LSG1: variants seen among roughly 807,000 people sequenced by gnomAD.
The protein encoded by LSG1 is large 60S subunit nuclear export GTPase 1, also known as large subunit GTPase 1 homolog.
Under a neutral mutation model 82.6 loss-of-function variants are expected in LSG1, and 55 were observed. The observed-to-expected ratio is 0.67, with a 90% CI of 0.54 to 0.83. The LOEUF (loss-of-function observed/expected upper bound fraction) is 0.83, where lower values mean the gene tolerates loss of function less well. LSG1 is among the 40% of genes least tolerant of loss of function. LSG1 has a pLI of 0.00. For synonymous variants in LSG1, 272 were observed against 282.5 expected (o/e 0.96, Z 0.37); for missense variants, 809 against 807.9 (o/e 1.00, Z -0.02).
At chr3:194,644,807 G>C (rs892988905) in intron 12 of LSG1, 61 bp from the exon 13 acceptor site, 12 of 1,399,792 alleles carry the variant, frequency 8.6e-6, no homozygotes, top group Non-Finnish European at 1.2e-5. Context: ...CCTCAGAGGA[G>C]ACAGCTCCAC....
At chr3:194,645,589 C>CACACACAG (rs1560219897) in intron 12 of LSG1, among the ~76,000 whole-genome samples, 1 of 93,254 alleles carries the variant, frequency 1.1e-5, no homozygotes, top group African/African-American at 4.9e-5. Flanking sequence ...CACACACACA[C>CACACACAG]ACACACACAC....
Position 194,652,878 on chromosome 3 carries a change from CA to C in LSG1, c.1023del (p.Ala342GlnfsTer41). The C allele has an allele frequency of 6.2e-7, 1 of 1,614,158 alleles. No homozygotes were observed. Among genetic ancestry groups the C allele is most frequent in the Non-Finnish European group, 8.5e-7 (1 of 1,180,048 alleles). On this transcript the variant is annotated frameshift_variant, in exon 8 of 14. Coordinates refer to ENST00000265245, the MANE Select transcript of LSG1 (RefSeq NM_018385.3). LOFTEE classifies it high-confidence loss of function. ...DCSQDWKESS[T>X]ADSEARSRKT... ...TTCCTGCTCCGAGCCTCAGAATCTG[CA>C]GTAGAGCTTTCCTTCCAGTCCTGGC...
At chr3:194,668,018 A>G (rs1169140662) in intron 2 of LSG1, among the ~76,000 whole-genome samples, 2 of 149,368 alleles carry the variant, frequency 1.3e-5, no homozygotes, top group Non-Finnish European at 3.0e-5. Context: ...CCACTAAAGC[A>G]TACAATTCAA....
At chr3:194,651,601 T>A (rs1396098219) in intron 8 of LSG1, 1 of 164,050 alleles carries the variant, frequency 6.1e-6, no homozygotes, top group Non-Finnish European at 1.3e-5. Context: ...AACACACAAT[T>A]ATTTTTAATT....
At position 194,665,418 on chromosome 3, in the gene LSG1, T is replaced by C. The variant is rs192097042; in HGVS notation, c.521+139A>G. 2,711 of 546,920 alleles carry C rather than the reference T, an allele frequency of 5.0e-3. 11 individuals are homozygous for C. Among genetic ancestry groups the C allele is most frequent in the Admixed American group, 8.1e-3 (227 of 28,080 alleles). The allele number at this position is 546,920 out of a possible 1,614,324, so 33.9% of individuals were successfully genotyped here. A position where few individuals can be genotyped will look rare whatever the true frequency, so the allele number is the denominator to read the frequency against. The stretch of plus-strand genomic sequence containing the variant: ...CTATACAAAATATACGGTAGTATCA[T>C]GCTGTGTTTTTATAATTCTCAGTAA... On this transcript the variant is annotated intron_variant, in intron 5 of 13. Transcript: ENST00000265245.
At chr3:194,658,197 G>C (rs540160073) in intron 7 of LSG1, among the ~76,000 whole-genome samples, 11 of 152,260 alleles carry the variant, frequency 7.2e-5, no homozygotes, top group African/African-American at 2.6e-4. Context: ...GCCCAGGCTG[G>C]AGTGCACTGG....
intron 11 of LSG1, among the ~76,000 whole-genome samples, chr3:194,647,526 A>T (rs1176426734): frequency 1.3e-5 from 2 of 152,236 alleles, no homozygotes; most frequent in African/African-American, 4.8e-5. Context: ...TTTCTTCTAT[A>T]TGGACTTGCA....
chr3:194,653,774 G>A lies in LSG1; in HGVS notation c.760-632C>T, dbSNP rs538444222. On this transcript the variant is annotated intron_variant, in intron 7 of 13. Transcript: ENST00000265245. ...CTCTAGGCCGGGTGCTACGGCTCAC[G>A]CCTGTAATCCCAGCGCTTGGGTGGC... Among the ~76,000 whole-genome samples, 260 of 152,202 alleles carry A rather than the reference G, an allele frequency of 1.7e-3. 1 individual carries two copies. The highest frequency in any genetic ancestry group is 3.3e-3 in the Non-Finnish European group (225 of 68,014).
At chr3:194,657,353 G>A (rs1718813274) in intron 7 of LSG1, among the ~76,000 whole-genome samples, 1 of 151,686 alleles carries the variant, frequency 6.6e-6, no homozygotes, top group Non-Finnish European at 1.5e-5. Context: ...CTCTACCTTG[G>A]TACTAAACCA....
chr3:194,659,011 C>T lies in LSG1; in HGVS notation c.705G>A (p.Lys235=), dbSNP rs148852854. ...CGGCCAAAGCTGACCAGAAAATAACCTTCACATCTTCTTTTTCGAAGTACA... is the reference window on the plus strand; with the variant it reads ...CGGCCAAAGCTGACCAGAAAATAACTTTCACATCTTCTTTTTCGAAGTACA... ...WAMYFEKEDV[K]VIFWSALAGA... Residue 235 remains lysine (K), a synonymous_variant, in exon 7 of 14, where the codon AAG becomes AAA. Coordinates refer to ENST00000265245, the MANE Select transcript of LSG1 (RefSeq NM_018385.3). 90 of 1,614,092 alleles carry T rather than the reference C, an allele frequency of 5.6e-5. No individual in the cohort carries two copies. The highest frequency in any genetic ancestry group is 6.9e-5 in the Non-Finnish European group (82 of 1,180,046).
rs1026733246 is a variant in LSG1 at position 194,641,484 on chromosome 3, G to A, written c.*584C>T. On this transcript the variant is annotated 3_prime_UTR_variant, in exon 14 of 14. Transcript: ENST00000265245. The stretch of plus-strand genomic sequence containing the variant: ...GTTACATTCTACATGTTCCTTAGTG[G>A]ACGTGAGCCCCCGCTGTACACTAAC... The A allele has an allele frequency of 1.3e-5, 2 of 152,216 alleles. No individual in the cohort carries two copies. Among genetic ancestry groups the A allele is most frequent in the African/African-American group, 2.4e-5 (1 of 41,434 alleles). 9.4% of individuals were successfully genotyped at this position (152,216 alleles called of 1,614,324 possible). A position where few individuals can be genotyped will look rare whatever the true frequency, so the allele number is the denominator to read the frequency against.
chr3:194,652,614 G>A (rs1718697982), intron 8 of LSG1, 115 bp downstream of exon 8: 1 of 1,132,136 alleles, frequency 8.8e-7, no homozygotes, highest in East Asian at 2.4e-5. Flanking sequence ...CAACAAGAGG[G>A]CAATGTTCCC....
In LSG1 at chr3:194,645,495, T is replaced by TACATAC. The variant is rs1228412103; in HGVS notation, c.1623+668_1623+669insGTATGT. The stretch of plus-strand genomic sequence containing the variant: ...ATGTGCCAGGCATTGAGCTTAGTGC[T>TACATAC]ACACACACACACACACACACACACA... On this transcript the variant is annotated intron_variant, in intron 12 of 13. Coordinates refer to ENST00000265245, the MANE Select transcript of LSG1 (RefSeq NM_018385.3). 1.1e-3 allele frequency: 66 copies of TACATAC among 62,032 alleles called. 1 individual carries two copies. The highest frequency in any genetic ancestry group is 3.9e-3 in the African/African-American group (52 of 13,220). The allele number at this position is 62,032 out of a possible 1,614,324, so 3.8% of individuals were successfully genotyped here.
At chr3:194,659,886 C>T (rs1037728077) in intron 6 of LSG1, among the ~76,000 whole-genome samples, 187 bp downstream of exon 6, 1 of 152,216 alleles carries the variant, frequency 6.6e-6, no homozygotes, top group Non-Finnish European at 1.5e-5. Context: ...CAGATGGACA[C>T]CATTGTTTGA....
rs1458983267 is a variant in LSG1 at position 194,648,532 on chromosome 3, G to A, written c.1543+149C>T. The stretch of plus-strand genomic sequence containing the variant: ...GGTTACTTTGTAGGCAAGGCCCACA[G>A]AGACGAAAGATGGCTTGAAAAATGC... On this transcript the variant is annotated intron_variant, in intron 11 of 13. Transcript: ENST00000265245. 4 of 951,398 alleles carry A rather than the reference G, an allele frequency of 4.2e-6. No homozygotes were observed. In the South Asian group the frequency reaches 5.6e-5, roughly 13 times the overall value. 58.9% of individuals were successfully genotyped at this position (951,398 alleles called of 1,614,324 possible). A position where few individuals can be genotyped will look rare whatever the true frequency, so the allele number is the denominator to read the frequency against.
intron 12 of LSG1, 116 bp from the exon 13 acceptor site, chr3:194,644,862 CTGAGT>C: frequency 1.3e-6 from 1 of 766,204 alleles, no homozygotes; most frequent in Non-Finnish European, 1.9e-6. Context: ...GTTAAGTTAG[CTGAGT>C]TGAGTTTTGG....
At position 194,662,596 on chromosome 3, in the gene LSG1, C is replaced by G. The variant is rs555387789; in HGVS notation, c.522-2463G>C. The stretch of plus-strand genomic sequence containing the variant: ...TGGCCAACATGGAGAAACCCCGTCT[C>G]TACTAAAAATACAAAATTAGCCGGG... On this transcript the variant is annotated intron_variant, in intron 5 of 13. Coordinates refer to ENST00000265245, the MANE Select transcript of LSG1 (RefSeq NM_018385.3). Among the ~76,000 whole-genome samples the G allele has an allele frequency of 4.9e-4, 75 of 152,284 alleles. 1 individual carries two copies. The highest frequency in any genetic ancestry group is 1.7e-3 in the African/African-American group (70 of 41,554).
At chr3:194,644,881 A>G in intron 12 of LSG1, 135 bp from the exon 13 acceptor site, 1 of 582,118 alleles carries the variant, frequency 1.7e-6, no homozygotes, top group Non-Finnish European at 2.8e-6. Flanking sequence ...GTTTTGGTCT[A>G]CTGCAGCTGA....
chr3:194,672,040 GA>G, intron 1 of LSG1, 23 bp downstream of exon 1: 1 of 1,602,244 alleles, frequency 6.2e-7, no homozygotes, highest in Non-Finnish European at 8.5e-7. Flanking sequence ...GAAAAGATAA[GA>G]AAGATGACAT....
Sources: allele counts gnomAD v4.1 joint callset (sites outside exome capture counted in the v4.1 genomes callset), GRCh38; gene constraint gnomAD v4.1.1; transcripts MANE v1.5; gene names NCBI Gene and HGNC (gene_info 2026-07-23, HGNC 2026-07-21).